CAMK1D: variants seen among roughly 807,000 people sequenced by gnomAD.
CAMK1D encodes calcium/calmodulin dependent protein kinase ID.
In CAMK1D, 9 loss-of-function variants were observed where a neutral mutation model predicts 47.7. That is an observed-to-expected ratio of 0.19 (90% CI 0.11 to 0.33). CAMK1D has a LOEUF of 0.33. CAMK1D is among the 10% of genes least tolerant of loss of function. The pLI is 1.00. For synonymous variants in CAMK1D, 184 were observed against 184.9 expected (o/e 0.99, Z 0.04); for missense variants, 291 against 488.7 (o/e 0.60, Z 3.81).
chr10:12,401,895 C>CTATATA (rs10635900), intron 1 of CAMK1D, among the ~76,000 whole-genome samples: 22,969 of 145,796 alleles, frequency 0.16, 2,005 homozygotes, highest in Middle Eastern at 0.21. Flanking sequence ...TATTCTCAGA[C>CTATATA]TATATATATA....
intron 1 of CAMK1D, among the ~76,000 whole-genome samples, chr10:12,362,446 G>T: frequency 6.6e-6 from 1 of 152,094 alleles, no homozygotes; most frequent in Admixed American, 6.6e-5. Context: ...AAATGGTGTA[G>T]TATTTGCATA....
chr10:12,681,346 C>A (rs1840987403), intron 3 of CAMK1D, among the ~76,000 whole-genome samples: 1 of 152,256 alleles, frequency 6.6e-6, no homozygotes, highest in South Asian at 2.1e-4. Context: ...CTAGCCAAAT[C>A]CCTTCCAGCC....
chr10:12,598,268 A>G (rs1241795727), intron 2 of CAMK1D, among the ~76,000 whole-genome samples: 2 of 152,236 alleles, frequency 1.3e-5, no homozygotes, highest in Non-Finnish European at 2.9e-5. Context: ...GTAGGACATC[A>G]TGGCAGAGCA....
chr10:12,723,264 A>G (rs922396855), intron 3 of CAMK1D, among the ~76,000 whole-genome samples: 2 of 152,182 alleles, frequency 1.3e-5, no homozygotes, highest in Admixed American at 6.5e-5. Flanking sequence ...TCTGAACGGG[A>G]GAATTGTAGA....
At chr10:12,421,217 C>T (rs1840037257) in intron 1 of CAMK1D, among the ~76,000 whole-genome samples, 1 of 152,184 alleles carries the variant, frequency 6.6e-6, no homozygotes. Flanking sequence ...GAATCCCTTT[C>T]TCTCAAGCTC....
chr10:12,725,816 G>T (rs537257230), intron 3 of CAMK1D, among the ~76,000 whole-genome samples: 2 of 152,062 alleles, frequency 1.3e-5, no homozygotes, highest in African/African-American at 4.8e-5. Flanking sequence ...GAGTGCAGTG[G>T]CATGATCTCG....
Position 12,830,199 on chromosome 10 carries a change from T to TA in CAMK1D, c.*1319dup, listed in dbSNP as rs1033250163. 2.0e-5 allele frequency: 3 copies of TA among 152,174 alleles called. No individual in the cohort carries two copies. Among genetic ancestry groups the TA allele is most frequent in the Non-Finnish European group, 4.4e-5 (3 of 68,022 alleles). The allele number at this position is 152,174 out of a possible 1,614,324, so 9.4% of individuals were successfully genotyped here. A position where few individuals can be genotyped will look rare whatever the true frequency, so the allele number is the denominator to read the frequency against. On this transcript the variant is annotated 3_prime_UTR_variant, in exon 11 of 11. Transcript: ENST00000619168. ...AATTCATCTCTTTCTCTGTGGTTTT[T>TA]AAAAAAATGCATTTCTAATCTTACA...
chr10:12,412,709 A>AT (rs1564323710), intron 1 of CAMK1D, among the ~76,000 whole-genome samples: 1 of 151,260 alleles, frequency 6.6e-6, no homozygotes, highest in Non-Finnish European at 1.5e-5. Flanking sequence ...AAAAAAAAAA[A>AT]AAAAGAGTGG....
intron 3 of CAMK1D, among the ~76,000 whole-genome samples, chr10:12,734,522 G>A (rs1427154198): frequency 1.1e-4 from 15 of 136,836 alleles, no homozygotes; most frequent in South Asian, 2.3e-4. Flanking sequence ...ATATATACAC[G>A]TATATATATA....
At chr10:12,423,963 G>A (rs1297186497) in intron 1 of CAMK1D, among the ~76,000 whole-genome samples, 5 of 152,070 alleles carry the variant, frequency 3.3e-5, no homozygotes, top group Non-Finnish European at 7.4e-5. Flanking sequence ...TGCGTTGTTC[G>A]GTCCCCCCAT....
At chr10:12,507,549 T>C (rs1343618156) in intron 1 of CAMK1D, among the ~76,000 whole-genome samples, 1 of 152,094 alleles carries the variant, frequency 6.6e-6, no homozygotes, top group Admixed American at 6.6e-5. Flanking sequence ...GAGTGGGTGA[T>C]CTAGTAGATT....
At chr10:12,556,008 A>G (rs2768342) in intron 2 of CAMK1D, among the ~76,000 whole-genome samples, 51,930 of 152,058 alleles carry the variant, frequency 0.34, 8,874 homozygotes, top group Middle Eastern at 0.47. Context: ...GAGGGCTGGA[A>G]TAACTTGTTT....
chr10:12,821,836 A>G (rs997931745), intron 8 of CAMK1D, among the ~76,000 whole-genome samples: 2 of 152,052 alleles, frequency 1.3e-5, no homozygotes, highest in African/African-American at 2.4e-5. Context: ...TGAGCCTGGC[A>G]TGGTGGTGCA....
intron 2 of CAMK1D, among the ~76,000 whole-genome samples, chr10:12,564,290 A>AAGAAAT (rs1409305824): frequency 6.6e-6 from 1 of 152,152 alleles, no homozygotes; most frequent in Admixed American, 6.5e-5. Flanking sequence ...GATATAGAAA[A>AAGAAAT]AGAAATAGAC....
At chr10:12,354,841 A>ATTT (rs11432459) in intron 1 of CAMK1D, among the ~76,000 whole-genome samples, 22 of 129,326 alleles carry the variant, frequency 1.7e-4, no homozygotes, top group Admixed American at 2.5e-4. Context: ...TTGGAGGAAA[A>ATTT]TTTTTTTTTT....
chr10:12,609,430 A>C (rs1838559110), intron 2 of CAMK1D, among the ~76,000 whole-genome samples: 1 of 152,202 alleles, frequency 6.6e-6, no homozygotes, highest in Non-Finnish European at 1.5e-5. Context: ...ATACATAATA[A>C]AATAATTCTA....
chr10:12,815,738 A>C (rs758210989), intron 7 of CAMK1D, among the ~76,000 whole-genome samples: 1 of 152,230 alleles, frequency 6.6e-6, no homozygotes, highest in Non-Finnish European at 1.5e-5. Context: ...ACTGCATTGC[A>C]GTTTTCTGCT....
intron 1 of CAMK1D, among the ~76,000 whole-genome samples, chr10:12,426,189 C>A (rs1002325296): frequency 6.6e-6 from 1 of 152,168 alleles, no homozygotes; most frequent in African/African-American, 2.4e-5. Context: ...GGAAGCTCAT[C>A]CTGCAGCTCA....
intron 1 of CAMK1D, among the ~76,000 whole-genome samples, chr10:12,383,990 TA>T (rs1266458754): frequency 6.6e-6 from 1 of 152,188 alleles, no homozygotes; most frequent in Non-Finnish European, 1.5e-5. Context: ...TTCCATTTAA[TA>T]AATGAGTTCA....
Sources: allele counts gnomAD v4.1 joint callset (sites outside exome capture counted in the v4.1 genomes callset), GRCh38; gene constraint gnomAD v4.1.1; transcripts MANE v1.5; gene names NCBI Gene and HGNC (gene_info 2026-07-23, HGNC 2026-07-21).